CACNA1B: variants seen among roughly 807,000 people sequenced by gnomAD.
The protein encoded by CACNA1B is voltage-dependent N-type calcium channel subunit alpha-1B.
In CACNA1B, 70 loss-of-function variants were observed where a neutral mutation model predicts 247.2. That is an observed-to-expected ratio of 0.28 (90% CI 0.23 to 0.35). The LOEUF is 0.35. Ranked by LOEUF, CACNA1B falls within the 10% of genes least tolerant of loss-of-function variation. The pLI is 1.00. For missense variants in CACNA1B, 2,367 were observed against 3,197.4 expected (o/e 0.74, Z 6.26); for synonymous variants, 1,231 against 1,294.4 (o/e 0.95, Z 1.05).
At chr9:137,992,910 TAAGC>T (rs1446280140) in intron 15 of CACNA1B, among the ~76,000 whole-genome samples, 1 of 152,052 alleles carries the variant, frequency 6.6e-6, no homozygotes, top group Non-Finnish European at 1.5e-5. Context: ...ACAGGGAAAT[TAAGC>T]AACCTGCTCC....
Position 137,950,469 on chromosome 9 carries a change from C to T in CACNA1B, c.967-1805C>T, listed in dbSNP as rs1046071136. ...CGTGATAACCCCTGCTGAGGAGGAACGTTCCACTTCCTACTTGGCTTTCTC... is the reference window on the plus strand; with the variant it reads ...CGTGATAACCCCTGCTGAGGAGGAATGTTCCACTTCCTACTTGGCTTTCTC... On this transcript the variant is annotated intron_variant, in intron 6 of 46. Coordinates refer to ENST00000371372, the MANE Select transcript of CACNA1B (RefSeq NM_000718.4). The surrounding 1 kb of genome is among the most constrained non-coding windows in gnomAD (Gnocchi z 4.8). Among the ~76,000 whole-genome samples the T allele has an allele frequency of 3.9e-5, 6 of 152,182 alleles. No homozygotes were observed. Among genetic ancestry groups the T allele is most frequent in the African/African-American group, 7.2e-5 (3 of 41,446 alleles).
intron 37 of CACNA1B, among the ~76,000 whole-genome samples, chr9:138,097,318 G>T (rs1395660701): frequency 1.3e-5 from 2 of 152,154 alleles, no homozygotes; most frequent in African/African-American, 4.8e-5. Flanking sequence ...GCATGGTTTG[G>T]GTCAGAAGGT....
At chr9:137,921,188 A>G (rs538526555) in intron 6 of CACNA1B, among the ~76,000 whole-genome samples, 1 of 152,254 alleles carries the variant, frequency 6.6e-6, no homozygotes, top group Non-Finnish European at 1.5e-5. Context: ...TCAGAGGTCC[A>G]GTAGGAAAGC....
intron 21 of CACNA1B, 79 bp downstream of exon 21, chr9:138,043,979 G>A (rs982581953): frequency 7.0e-5 from 107 of 1,534,202 alleles, no homozygotes; most frequent in Non-Finnish European, 8.2e-5. Flanking sequence ...AGTAGCCAGC[G>A]TGCACTGATT....
At chr9:138,021,891 C>T (rs769231139) in intron 18 of CACNA1B, among the ~76,000 whole-genome samples, 6 of 152,238 alleles carry the variant, frequency 3.9e-5, no homozygotes, top group Non-Finnish European at 8.8e-5. Flanking sequence ...CAAGGCCATC[C>T]AGCAGCCTTG....
intron 21 of CACNA1B, among the ~76,000 whole-genome samples, chr9:138,044,649 A>G (rs1959168880): frequency 6.6e-6 from 1 of 152,180 alleles, no homozygotes; most frequent in South Asian, 2.1e-4. Flanking sequence ...AGAGGCAGAC[A>G]GGGGTGGAAC....
intron 36 of CACNA1B, among the ~76,000 whole-genome samples, chr9:138,092,421 A>G (rs1179498249): frequency 6.6e-6 from 1 of 152,238 alleles, no homozygotes; most frequent in African/African-American, 2.4e-5. Context: ...CGCTTTCTGC[A>G]AGAAGAGAAA....
intron 3 of CACNA1B, among the ~76,000 whole-genome samples, chr9:137,910,162 G>A (rs747804830): frequency 3.3e-5 from 5 of 152,036 alleles, no homozygotes; most frequent in African/African-American, 9.7e-5. Flanking sequence ...GCATCTTTTC[G>A]TGCACCTATC....
At chr9:138,093,963 A>G (rs1376024245) in intron 36 of CACNA1B, among the ~76,000 whole-genome samples, 1 of 152,228 alleles carries the variant, frequency 6.6e-6, no homozygotes, top group Non-Finnish European at 1.5e-5. Flanking sequence ...CAACAGATAT[A>G]TGTCCACACA....
intron 6 of CACNA1B, among the ~76,000 whole-genome samples, chr9:137,921,287 T>G (rs954907073): frequency 5.9e-5 from 9 of 151,670 alleles, no homozygotes; most frequent in Non-Finnish European, 1.2e-4. Flanking sequence ...GAGTAAAGCG[T>G]TCGGAGAACA....
Position 138,058,736 on chromosome 9 carries a change from G to C in CACNA1B, c.4473+3G>C, listed in dbSNP as rs924331489. 1 of 1,600,688 alleles carries C rather than the reference G, an allele frequency of 6.2e-7. No individual in the cohort carries two copies. Among genetic ancestry groups the C allele is most frequent in the Non-Finnish European group, 8.5e-7 (1 of 1,173,552 alleles). Reference sequence around the variant, plus strand: ...ACACTGTGGTGCTGATGATGAAGGTGTGTGGGGCTCAGCGCAGAGGGGCAG... The same window carrying C: ...ACACTGTGGTGCTGATGATGAAGGTCTGTGGGGCTCAGCGCAGAGGGGCAG... On this transcript the variant is annotated splice_donor_region_variant and intron_variant, in intron 29 of 46. Coordinates refer to ENST00000371372, the MANE Select transcript of CACNA1B (RefSeq NM_000718.4). The surrounding 1 kb of genome is among the most constrained non-coding windows in gnomAD (Gnocchi z 4.7).
chr9:137,898,517 A>AT (rs1017749508), intron 3 of CACNA1B, among the ~76,000 whole-genome samples: 170 of 148,830 alleles, frequency 1.1e-3, no homozygotes, highest in African/African-American at 4.0e-3. Flanking sequence ...CTTTCTTTTT[A>AT]TTTTTTGAGA....
intron 15 of CACNA1B, among the ~76,000 whole-genome samples, chr9:138,003,557 A>G (rs1958607874): frequency 6.6e-6 from 1 of 152,158 alleles, no homozygotes; most frequent in Non-Finnish European, 1.5e-5. Context: ...ATTACATTAA[A>G]CTTTTTTAAT....
At position 138,124,015 on chromosome 9, in the gene CACNA1B, C is replaced by T. The variant is rs1234790319; in HGVS notation, c.*2016C>T. Reference sequence around the variant, plus strand: ...AGTGTTGGGTCGAGAATCCACTTTTCTAAACCCACACAGCCTAGCTGGCTT... The same window carrying T: ...AGTGTTGGGTCGAGAATCCACTTTTTTAAACCCACACAGCCTAGCTGGCTT... On this transcript the variant is annotated 3_prime_UTR_variant, in exon 47 of 47. Coordinates refer to ENST00000371372, the MANE Select transcript of CACNA1B (RefSeq NM_000718.4). The T allele has an allele frequency of 6.6e-6, 1 of 152,208 alleles. No homozygotes were observed. The highest frequency in any genetic ancestry group is 2.4e-5 in the African/African-American group (1 of 41,450). 9.4% of individuals were successfully genotyped at this position (152,208 alleles called of 1,614,324 possible).
At chr9:138,104,858 G>A (rs1394858972) in intron 38 of CACNA1B, among the ~76,000 whole-genome samples, 1 of 152,272 alleles carries the variant, frequency 6.6e-6, no homozygotes, top group Non-Finnish European at 1.5e-5. Context: ...GGCCTCTTCA[G>A]TTCTTAGAGC....
Position 137,938,854 on chromosome 9 carries a change from C to T in CACNA1B, c.967-13420C>T, listed in dbSNP as rs1046776972. ...TTGGGAGGCCGAGGTGGATGGATCA[C>T]CTGAGGTCAGGAGCTTGAGACCAGC... On this transcript the variant is annotated intron_variant, in intron 6 of 46. Transcript: ENST00000371372. Among the ~76,000 whole-genome samples, 7 of 152,226 alleles carry T rather than the reference C, an allele frequency of 4.6e-5. No homozygotes were observed. In the East Asian group the frequency reaches 1.2e-3, roughly 25 times the overall value.
Position 137,913,971 on chromosome 9 carries a change from G to A in CACNA1B, c.623-683G>A, listed in dbSNP as rs573128784. Among the ~76,000 whole-genome samples, 4 of 152,316 alleles carry A rather than the reference G, an allele frequency of 2.6e-5. No homozygotes were observed. Among genetic ancestry groups the A allele is most frequent in the African/African-American group, 7.2e-5 (3 of 41,576 alleles). ...ATATCCAAGTGCTGGGGCCAGACTC[G>A]AAGGGGAGGGGTCAAGGTTTACAGG... On this transcript the variant is annotated intron_variant, in intron 4 of 46. Transcript: ENST00000371372. The surrounding 1 kb of genome is among the most constrained non-coding windows in gnomAD (Gnocchi z 5.2).
At chr9:137,904,318 G>A (rs373685703) in intron 3 of CACNA1B, among the ~76,000 whole-genome samples, 2 of 136,648 alleles carry the variant, frequency 1.5e-5, no homozygotes, top group African/African-American at 5.4e-5. Flanking sequence ...TTCAAAATAT[G>A]TATATATATT....
At chr9:138,002,539 A>G (rs1958590243) in intron 15 of CACNA1B, among the ~76,000 whole-genome samples, 1 of 132,792 alleles carries the variant, frequency 7.5e-6, no homozygotes, top group Non-Finnish European at 1.5e-5. Flanking sequence ...ATGAAAGCCC[A>G]TATCCAAAAA....
Sources: gnomAD v4.1 joint callset for allele counts (sites outside exome capture counted in the v4.1 genomes callset) on GRCh38, gnomAD v4.1.1 for gene constraint, Gnocchi (gnomAD v3.1) non-coding constraint, MANE v1.5 for transcripts, NCBI Gene and HGNC (gene_info 2026-07-23, HGNC 2026-07-21) for gene names.